Variants in ULK4 observed in about 807,000 individuals in gnomAD.
ULK4 encodes the protein inactive serine/threonine-protein kinase ULK4.
Under a neutral mutation model 160.6 loss-of-function variants are expected in ULK4, and 133 were observed. The observed-to-expected ratio is 0.83, with a 90% confidence interval of 0.72 to 0.96. The LOEUF (loss-of-function observed/expected upper bound fraction) is 0.96. ULK4 is among the 40% of genes least tolerant of loss of function. The pLI is 0.00. For missense variants in ULK4, 1,580 were observed against 1,499.5 expected (o/e 1.05, Z -0.89); for synonymous variants, 534 against 539.8 (o/e 0.99, Z 0.15).
intron 21 of ULK4, among the ~76,000 whole-genome samples, chr3:41,763,369 T>C (rs559741103): frequency 3.3e-5 from 5 of 152,134 alleles, no homozygotes; most frequent in Admixed American, 6.5e-5. Flanking sequence ...TAAATCAAAA[T>C]CCTGGCTCTT....
chr3:41,497,739 G>A (rs754314404), intron 32 of ULK4, among the ~76,000 whole-genome samples: 4 of 152,134 alleles, frequency 2.6e-5, no homozygotes, highest in Admixed American at 2.0e-4. Flanking sequence ...TAAAGCAGCT[G>A]AGTGCAGTAA....
chr3:41,438,641 T>G (rs1398694349), intron 34 of ULK4, among the ~76,000 whole-genome samples: 1 of 151,772 alleles, frequency 6.6e-6, no homozygotes, highest in East Asian at 1.9e-4. Flanking sequence ...AGACCTCATC[T>G]CTACAAAAGT....
In ULK4 at chr3:41,800,205, C is replaced by T. The variant is rs1461982511; in HGVS notation, c.1937G>A (p.Gly646Glu). The T allele has an allele frequency of 6.2e-7, 1 of 1,613,802 alleles. No homozygotes were observed. The change falls in exon 20 of 37, where the codon GGA becomes GAA. Residue 646 changes from glycine (G) to glutamate (E), a missense_variant. Gly to Glu is a moderately conservative substitution (Grantham distance 98, BLOSUM62 -2). Coordinates refer to ENST00000301831, the MANE Select transcript of ULK4 (RefSeq NM_017886.4). ...FSAQSQGFIT[G>E]EIGPILWYLF... ...GTACCACAAAATGGGTCCTATTTCT[C>T]CTGTAATAAAGCCCTGGGACTGAGC...
intron 32 of ULK4, among the ~76,000 whole-genome samples, chr3:41,565,271 A>G (rs1044940874): frequency 6.6e-6 from 1 of 152,242 alleles, no homozygotes; most frequent in Non-Finnish European, 1.5e-5. Context: ...ACAGAAATGC[A>G]TAAGATATAA....
rs546208857 is a variant in ULK4, at chr3:41,536,557, T to C, written c.3226+29468A>G. Among the ~76,000 whole-genome samples the C allele has an allele frequency of 1.3e-3, 202 of 152,308 alleles. 2 individuals are homozygous for C. The South Asian group carries it at 0.017, about 13-fold the overall frequency. On this transcript the variant is annotated intron_variant, in intron 32 of 36. Coordinates refer to ENST00000301831, the MANE Select transcript of ULK4 (RefSeq NM_017886.4). ...ACTGATAACGTAAATAGTTAACACA[T>C]TGTGGGTTGATTTTGCACGTATTAT...
chr3:41,297,058 A>C (rs2079683101), intron 35 of ULK4, among the ~76,000 whole-genome samples: 1 of 152,136 alleles, frequency 6.6e-6, no homozygotes, highest in Admixed American at 6.5e-5. Context: ...TGAAACAGTA[A>C]GAGGGGCTAT....
At chr3:41,833,451 A>G (rs980629629) in intron 18 of ULK4, among the ~76,000 whole-genome samples, 2 of 151,848 alleles carry the variant, frequency 1.3e-5, no homozygotes, top group Non-Finnish European at 2.9e-5. Context: ...GCCCACCACC[A>G]TGCCTGGCTA....
At chr3:41,497,159 G>A (rs958477220) in intron 32 of ULK4, among the ~76,000 whole-genome samples, 3 of 151,950 alleles carry the variant, frequency 2.0e-5, no homozygotes, top group African/African-American at 7.2e-5. Flanking sequence ...TAACAGATCT[G>A]AACTCTTTAG....
intron 17 of ULK4, among the ~76,000 whole-genome samples, chr3:41,838,426 C>A (rs2041822018): frequency 6.6e-6 from 1 of 151,856 alleles, no homozygotes; most frequent in South Asian, 2.1e-4. Context: ...ACGGTGACAC[C>A]AGTAGACTGT....
intron 25 of ULK4, among the ~76,000 whole-genome samples, chr3:41,711,282 C>T (rs554343461): frequency 6.6e-6 from 1 of 152,224 alleles, no homozygotes; most frequent in Admixed American, 6.5e-5. Context: ...ATGGTGCAAA[C>T]TTCAAAGATG....
intron 21 of ULK4, among the ~76,000 whole-genome samples, chr3:41,757,629 C>CT (rs2038849656): frequency 1.6e-5 from 1 of 63,640 alleles, no homozygotes; most frequent in Admixed American, 1.9e-4. Flanking sequence ...GAGACTCTCT[C>CT]AAAAAAAAAA....
At chr3:41,706,387 TATATATATTAAATATATATAATTAA>T (rs2036885603) in intron 25 of ULK4, among the ~76,000 whole-genome samples, 1 of 144,328 alleles carries the variant, frequency 6.9e-6, no homozygotes, top group East Asian at 1.9e-4. Flanking sequence ...TATATATATT[TATATATATTAAATATATATAATTAA>T]ATATATATTA....
At chr3:41,453,170 T>G (rs548732057) in intron 34 of ULK4, among the ~76,000 whole-genome samples, 6 of 152,164 alleles carry the variant, frequency 3.9e-5, no homozygotes, top group Non-Finnish European at 8.8e-5. Context: ...TGCGTTTTTT[T>G]GTTTTTTGTT....
intron 35 of ULK4, among the ~76,000 whole-genome samples, chr3:41,389,050 T>C (rs1211416237): frequency 2.0e-5 from 3 of 150,976 alleles, no homozygotes; most frequent in East Asian, 1.9e-4. Context: ...TTTTATTCCA[T>C]TGAGCAGTGG....
intron 31 of ULK4, among the ~76,000 whole-genome samples, chr3:41,583,885 A>T (rs906253506): frequency 6.6e-6 from 1 of 152,240 alleles, no homozygotes; most frequent in African/African-American, 2.4e-5. Flanking sequence ...GATGGAGCAG[A>T]GGAAGACAGA....
chr3:41,316,534 G>A (rs2080145818), intron 35 of ULK4, among the ~76,000 whole-genome samples: 1 of 152,196 alleles, frequency 6.6e-6, no homozygotes, highest in African/African-American at 2.4e-5. Flanking sequence ...AATACCGCAT[G>A]TTCGTACTTA....
In ULK4 at chr3:41,263,026, G is replaced by A. The variant is rs149055560; in HGVS notation, c.3679-13452C>T. 6.9e-3 allele frequency among the ~76,000 whole-genome samples: 1,051 copies of A among 152,270 alleles called. 9 individuals carry two copies. Among genetic ancestry groups the A allele is most frequent in the African/African-American group, 0.024 (1,000 of 41,562 alleles). On this transcript the variant is annotated intron_variant, in intron 35 of 36. Coordinates refer to ENST00000301831, the MANE Select transcript of ULK4 (RefSeq NM_017886.4). ...GGTGAAATACAGGATCAGGACTACC[G>A]TTTTGCCCAGGAGGACCCAAACCAA...
intron 30 of ULK4, among the ~76,000 whole-genome samples, chr3:41,625,038 T>C (rs965973288): frequency 6.6e-6 from 1 of 152,214 alleles, no homozygotes; most frequent in African/African-American, 2.4e-5. Flanking sequence ...TGACGGATGT[T>C]AAAGCAAGTA....
chr3:41,412,210 TG>T (rs1160023967), intron 34 of ULK4, among the ~76,000 whole-genome samples: 1 of 152,136 alleles, frequency 6.6e-6, no homozygotes, highest in Non-Finnish European at 1.5e-5. Context: ...AAATTTGAAA[TG>T]CTTAGGGATA....
Sources: allele counts gnomAD v4.1 joint callset (sites outside exome capture counted in the v4.1 genomes callset), GRCh38; gene constraint gnomAD v4.1.1; transcripts MANE v1.5; gene names NCBI Gene and HGNC (gene_info 2026-07-23, HGNC 2026-07-21).